The following REXO2 variants were observed in gnomAD, a reference collection of about 807,000 sequenced individuals.
REXO2 encodes the protein oligoribonuclease, mitochondrial.
REXO2 carries 17 observed loss-of-function variants against 30.9 expected under a neutral mutation model. The observed-to-expected ratio is 0.55, with a 90% CI of 0.38 to 0.82. REXO2 has a LOEUF of 0.82. Ranked by LOEUF, REXO2 falls within the 40% of genes least tolerant of loss-of-function variation. The probability of loss-of-function intolerance (pLI) is 0.00; values close to 1 mark genes in which losing one functional copy is unlikely to be tolerated. For missense variants in REXO2, 253 were observed against 293.2 expected (o/e 0.86, Z 1.00); for synonymous variants, 105 against 99.6 (o/e 1.05, Z -0.32).
chr11:114,442,694 G>A (rs1300523425), intron 2 of REXO2, among the ~76,000 whole-genome samples: 1 of 152,070 alleles, frequency 6.6e-6, no homozygotes, highest in African/African-American at 2.4e-5. Flanking sequence ...TTTCTATGAG[G>A]GAAGGGGTAC....
chr11:114,449,757 T>C, intron 6 of REXO2, 89 bp from the exon 7 acceptor site: 1 of 1,340,122 alleles, frequency 7.5e-7, no homozygotes, highest in East Asian at 2.5e-5. Flanking sequence ...TCCATTGTTC[T>C]TAAGTCGTTT....
rs769165084 is a variant in REXO2, at chr11:114,446,103, A to G, written c.530+16A>G. The G allele has an allele frequency of 7.5e-7, 1 of 1,337,834 alleles. No homozygotes were observed. The highest frequency in any genetic ancestry group is 1.0e-6 in the Non-Finnish European group (1 of 955,110). 82.9% of individuals were successfully genotyped at this position (1,337,834 alleles called of 1,614,324 possible). A position where few individuals can be genotyped will look rare whatever the true frequency, so the allele number is the denominator to read the frequency against. ...AACTGTGCAGGTAAGGGCTATATTT[A>G]GGATCCATTAAATTACCTCATTTAG... On this transcript the variant is annotated intron_variant, in intron 5 of 6. Coordinates refer to ENST00000265881, the MANE Select transcript of REXO2 (RefSeq NM_015523.4).
At position 114,439,473 on chromosome 11, in the gene REXO2, T is replaced by G; in HGVS notation, c.-56T>G. 2.5e-6 allele frequency: 4 copies of G among 1,588,050 alleles called. No individual in the cohort carries two copies. The highest frequency in any genetic ancestry group is 3.4e-6 in the Non-Finnish European group (4 of 1,174,492). On this transcript the variant is annotated 5_prime_UTR_variant, in exon 1 of 7. It adds an upstream start codon to the 5' untranslated region. Transcript: ENST00000265881. ...TGGGTTTGCGACGTTTAGCGACTAT[T>G]GCGCCTGCGCCAGCGCCGGCTGCGA...
chr11:114,446,906 A>G (rs1313982509), intron 5 of REXO2, among the ~76,000 whole-genome samples: 2 of 151,840 alleles, frequency 1.3e-5, no homozygotes, highest in East Asian at 3.9e-4. Context: ...AGGTGGCAAG[A>G]AAAGTGGTAG....
intron 5 of REXO2, among the ~76,000 whole-genome samples, chr11:114,446,921 A>T (rs928230355): frequency 6.7e-6 from 1 of 150,006 alleles, no homozygotes; most frequent in Admixed American, 6.6e-5. Flanking sequence ...TGGTAGAAAG[A>T]TAGAAAGGAG....
At chr11:114,440,574 G>C (rs1946469889) in intron 1 of REXO2, 82 bp from the exon 2 acceptor site, 1 of 1,035,820 alleles carries the variant, frequency 9.7e-7, no homozygotes, top group East Asian at 2.4e-5. Flanking sequence ...CTATGTTTGA[G>C]GGAATTCCTG....
At chr11:114,448,435 A>G (rs1946524745) in intron 6 of REXO2, among the ~76,000 whole-genome samples, 1 of 152,204 alleles carries the variant, frequency 6.6e-6, no homozygotes, top group African/African-American at 2.4e-5. Flanking sequence ...TTCTAAGGGT[A>G]GCATTTATTA....
chr11:114,448,486 T>C (rs961957417), intron 6 of REXO2, among the ~76,000 whole-genome samples: 1 of 152,198 alleles, frequency 6.6e-6, no homozygotes, highest in Admixed American at 6.5e-5. Context: ...TGCACAGTTA[T>C]AGGCAAATAG....
chr11:114,445,935 A>C (rs770376464), intron 4 of REXO2, 44 bp from the exon 5 acceptor site: 2 of 1,018,222 alleles, frequency 2.0e-6, no homozygotes, highest in East Asian at 2.4e-5. Context: ...CCTGTTGTAT[A>C]ATACTAGAAA....
At chr11:114,440,625 G>C in intron 1 of REXO2, 31 bp from the exon 2 acceptor site, 1 of 1,515,332 alleles carries the variant, frequency 6.6e-7, no homozygotes, top group Non-Finnish European at 9.1e-7. Context: ...TGATGGCTTT[G>C]TGTGTGTTAT....
chr11:114,440,863 G>A, intron 2 of REXO2, 124 bp downstream of exon 2: 2 of 682,836 alleles, frequency 2.9e-6, no homozygotes, highest in Non-Finnish European at 4.9e-6. Context: ...AAGGTAATGT[G>A]CTAGGTCATG....
intron 3 of REXO2, 188 bp downstream of exon 3, chr11:114,444,121 T>C: frequency 1.5e-6 from 1 of 666,004 alleles, no homozygotes; most frequent in South Asian, 1.5e-5. Context: ...CATCTTCTCC[T>C]GAATGTCCTC....
Position 114,439,596 on chromosome 11 carries a change from C to A in REXO2, c.68C>A (p.Ala23Asp), listed in dbSNP as rs1433485866. The change falls in exon 1 of 7, where the codon GCC becomes GAC. Residue 23 changes from alanine (A) to aspartate (D), a missense_variant. By Grantham distance (126) the Ala-to-Asp change is moderately radical. Transcript: ENST00000265881. ...GVGGSHGRFGARGVREGGAAM... is the reference protein window; with the variant it reads ...GVGGSHGRFGDRGVREGGAAM... Reference sequence around the variant, plus strand: ...GGTGGGAGTCACGGACGGTTCGGGGCCCGAGGTGTCCGCGAAGGTGGCGCA... The same window carrying A: ...GGTGGGAGTCACGGACGGTTCGGGGACCGAGGTGTCCGCGAAGGTGGCGCA... The A allele has an allele frequency of 6.2e-7, 1 of 1,607,464 alleles. No individual in the cohort carries two copies. Among genetic ancestry groups the A allele is most frequent in the African/African-American group, 1.3e-5 (1 of 74,688 alleles).
rs368759864 is a variant in REXO2, at chr11:114,443,273, ATT to A, written c.232-565_232-564del. On this transcript the variant is annotated intron_variant, in intron 2 of 6. Transcript: ENST00000265881. Reference sequence around the variant, plus strand: ...AGGGGTGTGCCACCAGGCCCACCTAATTTTTTTTTTTTTTTTTTTAATTTTGT... The same window carrying A: ...AGGGGTGTGCCACCAGGCCCACCTAATTTTTTTTTTTTTTTTTAATTTTGT... Among the ~76,000 whole-genome samples the A allele has an allele frequency of 2.3e-3, 316 of 138,442 alleles. 2 individuals carry two copies. Among genetic ancestry groups the A allele is most frequent in the Middle Eastern group, 0.022 (6 of 268 alleles). The allele number at this position is 138,442 out of a possible 152,430, so 90.8% of individuals were successfully genotyped here. A position where few individuals can be genotyped will look rare whatever the true frequency, so the allele number is the denominator to read the frequency against.
chr11:114,444,043 G>A, intron 3 of REXO2, 110 bp downstream of exon 3: 2 of 817,172 alleles, frequency 2.4e-6, no homozygotes, highest in Non-Finnish European at 2.1e-6. Context: ...AAGGCTTAGA[G>A]AAGATTGCAT....
chr11:114,439,685 G>A lies in REXO2; in HGVS notation c.147+10G>A, dbSNP rs749724109. ...CTGGGTGGACCTGGAGGTGAGTGAG[G>A]TCGGCGGGGGGCTTGGGGAGGCGAG... is the stretch of plus-strand genomic sequence containing the variant. On this transcript the variant is annotated intron_variant, in intron 1 of 6. Coordinates refer to ENST00000265881, the MANE Select transcript of REXO2 (RefSeq NM_015523.4). The A allele has an allele frequency of 2.5e-5, 38 of 1,494,470 alleles. 1 individual carries two copies. The South Asian group carries it at 4.7e-4, about 19-fold the overall frequency. 92.6% of individuals were successfully genotyped at this position (1,494,470 alleles called of 1,614,324 possible).
intron 4 of REXO2, chr11:114,445,291 T>C (rs1946504679): frequency 6.6e-6 from 1 of 152,234 alleles, no homozygotes; most frequent in African/African-American, 2.4e-5. Flanking sequence ...ACCAGGCCTG[T>C]TCTACCAGGA....
chr11:114,444,725 A>G, intron 4 of REXO2, 73 bp downstream of exon 4: 1 of 924,516 alleles, frequency 1.1e-6, no homozygotes, highest in Non-Finnish European at 1.5e-6. Context: ...TTCCAGAAAG[A>G]CTAGCCGAGC....
chr11:114,441,626 G>A (rs1348823086), intron 2 of REXO2: 1 of 658,734 alleles, frequency 1.5e-6, no homozygotes, highest in Non-Finnish European at 2.8e-6. Flanking sequence ...AAGTAGGGAT[G>A]TTTGTGGAAA....
Sources: allele counts gnomAD v4.1 joint callset (sites outside exome capture counted in the v4.1 genomes callset), GRCh38; gene constraint gnomAD v4.1.1; transcripts MANE v1.5; gene names NCBI Gene and HGNC (gene_info 2026-07-23, HGNC 2026-07-21).